The following RNF220 variants were observed in gnomAD, a reference collection of about 807,000 sequenced individuals.
RNF220 encodes the protein E3 ubiquitin-protein ligase RNF220.
RNF220 carries 7 observed loss-of-function variants against 67.1 expected under a neutral mutation model. That is an observed-to-expected ratio of 0.10 (90% CI 0.06 to 0.20). RNF220 has a LOEUF of 0.20. Ranked by LOEUF, RNF220 falls within the 10% of genes least tolerant of loss-of-function variation. RNF220 has a pLI of 1.00. For missense variants in RNF220, 565 were observed against 740.3 expected (o/e 0.76, Z 2.75); for synonymous variants, 270 against 283.2 (o/e 0.95, Z 0.47).
At chr1:44,642,881 G>A (rs190455162) in intron 8 of RNF220, among the ~76,000 whole-genome samples, 26 of 152,324 alleles carry the variant, frequency 1.7e-4, no homozygotes, top group Admixed American at 1.6e-3. Flanking sequence ...GGACTTGGGT[G>A]CCGCAAGCTG....
intron 2 of RNF220, among the ~76,000 whole-genome samples, chr1:44,422,464 A>G (rs1451183004): frequency 1.3e-5 from 2 of 152,258 alleles, no homozygotes; most frequent in African/African-American, 4.8e-5. Flanking sequence ...GAACCCAGAC[A>G]TGGGTTTAAC....
At chr1:44,496,901 G>A (rs1249893198) in intron 2 of RNF220, among the ~76,000 whole-genome samples, 3 of 152,186 alleles carry the variant, frequency 2.0e-5, no homozygotes, top group Non-Finnish European at 4.4e-5. Context: ...TGAGAGCTGC[G>A]GGCGGCACCT....
chr1:44,616,730 C>T (rs1238009809), intron 3 of RNF220, among the ~76,000 whole-genome samples: 1 of 152,122 alleles, frequency 6.6e-6, no homozygotes, highest in Non-Finnish European at 1.5e-5. Flanking sequence ...GAGGACTTCT[C>T]CTACCAGGGT....
At chr1:44,442,300 G>C (rs1035361233) in intron 2 of RNF220, among the ~76,000 whole-genome samples, 1 of 151,672 alleles carries the variant, frequency 6.6e-6, no homozygotes, top group Non-Finnish European at 1.5e-5. Flanking sequence ...GCGCCACCAC[G>C]CCTAGTTAAT....
intron 2 of RNF220, among the ~76,000 whole-genome samples, chr1:44,435,822 C>T (rs1329268483): frequency 3.3e-5 from 5 of 151,938 alleles, no homozygotes; most frequent in Admixed American, 6.6e-5. Context: ...CCCAGCTACT[C>T]GGGAGGCTGA....
intron 2 of RNF220, among the ~76,000 whole-genome samples, chr1:44,563,327 T>G (rs181168039): frequency 1.3e-5 from 2 of 152,314 alleles, no homozygotes; most frequent in Admixed American, 1.3e-4. Flanking sequence ...GTGGCCCCCC[T>G]GCTTCAGGAG....
chr1:44,561,383 G>A (rs1212383867), intron 2 of RNF220, among the ~76,000 whole-genome samples: 2 of 151,918 alleles, frequency 1.3e-5, no homozygotes, highest in African/African-American at 2.4e-5. Flanking sequence ...GGTGGCCGGC[G>A]CCTGTAATCC....
At chr1:44,481,042 C>T (rs1655757138) in intron 2 of RNF220, among the ~76,000 whole-genome samples, 1 of 152,102 alleles carries the variant, frequency 6.6e-6, no homozygotes. Flanking sequence ...AGGGCAAATT[C>T]AAGTTGACAT....
chr1:44,638,964 AGTT>A (rs1276518781), intron 8 of RNF220, among the ~76,000 whole-genome samples: 12 of 152,316 alleles, frequency 7.9e-5, no homozygotes, highest in Admixed American at 7.8e-4. Flanking sequence ...TGTGTGTCTA[AGTT>A]GTTGATTGTC....
At chr1:44,552,566 C>CTTTTT (rs57847805) in intron 2 of RNF220, among the ~76,000 whole-genome samples, 6 of 83,748 alleles carry the variant, frequency 7.2e-5, no homozygotes, top group African/African-American at 3.0e-4. Context: ...TAAACTTCTT[C>CTTTTT]TTTTTTTTTT....
At chr1:44,584,642 C>T (rs1318910079) in intron 2 of RNF220, among the ~76,000 whole-genome samples, 1 of 152,196 alleles carries the variant, frequency 6.6e-6, no homozygotes, top group Admixed American at 6.5e-5. Context: ...AAGAATTGCT[C>T]CCCAAGCTTG....
intron 2 of RNF220, among the ~76,000 whole-genome samples, chr1:44,442,698 G>A (rs960989614): frequency 6.6e-6 from 1 of 151,898 alleles, no homozygotes; most frequent in Non-Finnish European, 1.5e-5. Context: ...TGTATTTTTA[G>A]TAGAGACAGG....
chr1:44,568,616 C>G (rs1229423137), intron 2 of RNF220, among the ~76,000 whole-genome samples: 2 of 152,218 alleles, frequency 1.3e-5, no homozygotes, highest in East Asian at 1.9e-4. Flanking sequence ...AGGCGTTTCT[C>G]TGTAGTCCTT....
At chr1:44,424,092 A>G (rs1007326971) in intron 2 of RNF220, 8 of 880,646 alleles carry the variant, frequency 9.1e-6, no homozygotes, top group Admixed American at 6.2e-5. Flanking sequence ...AAGGGAATCA[A>G]AGAAGTAGGA....
intron 2 of RNF220, among the ~76,000 whole-genome samples, chr1:44,496,481 T>C (rs1004232931): frequency 6.6e-6 from 1 of 152,176 alleles, no homozygotes; most frequent in Non-Finnish European, 1.5e-5. Context: ...TGAGGAATGA[T>C]TAATGCTAAG....
At chr1:44,526,670 T>G (rs1327967483) in intron 2 of RNF220, among the ~76,000 whole-genome samples, 1 of 152,216 alleles carries the variant, frequency 6.6e-6, no homozygotes, top group Non-Finnish European at 1.5e-5. Flanking sequence ...CCTTTCTCTC[T>G]GCCTTCACAC....
Position 44,645,081 on chromosome 1 carries a change from A to T in RNF220, c.1310A>T (p.Asn437Ile). The change falls in exon 10 of 15, where the codon AAT (asparagine) becomes ATT (isoleucine). Residue 437 changes from asparagine to isoleucine, a missense_variant and splice_region_variant. Coordinates refer to ENST00000361799, the MANE Select transcript of RNF220 (RefSeq NM_018150.4). The surrounding 1 kb of genome is among the most constrained non-coding windows in gnomAD (Gnocchi z 5.0). ...EREALRGAVL[N>I]GGPPSTRITP... is the part of the protein sequence containing the mutation. ...GAGGCACTTCGGGGCGCAGTCCTAA[A>T]GCAAGTGTGGGCACAGGCTTGGGCG... The T allele has an allele frequency of 6.2e-7, 1 of 1,614,120 alleles. No homozygotes were observed. The highest frequency in any genetic ancestry group is 8.5e-7 in the Non-Finnish European group (1 of 1,180,004).
chr1:44,475,959 C>G (rs1211881700), intron 2 of RNF220, among the ~76,000 whole-genome samples: 1 of 149,516 alleles, frequency 6.7e-6, no homozygotes, highest in Admixed American at 6.7e-5. Flanking sequence ...TTGCAGTGAG[C>G]TAAGATCGCC....
intron 2 of RNF220, among the ~76,000 whole-genome samples, chr1:44,451,138 G>A (rs1046762775): frequency 1.3e-5 from 2 of 151,692 alleles, no homozygotes; most frequent in South Asian, 2.1e-4. Context: ...AGCCAAGATC[G>A]GGCCACTGCA....
Sources: gnomAD v4.1 joint callset for allele counts (sites outside exome capture counted in the v4.1 genomes callset) on GRCh38, gnomAD v4.1.1 for gene constraint, Gnocchi (gnomAD v3.1) non-coding constraint, MANE v1.5 for transcripts, NCBI Gene and HGNC (gene_info 2026-07-23, HGNC 2026-07-21) for gene names.